Variants in NDST4 observed in about 807,000 individuals in gnomAD.
The protein encoded by NDST4 is N-heparan sulfate sulfotransferase 4.
NDST4 carries 63 observed loss-of-function variants against 100.8 expected under a neutral mutation model. The observed-to-expected ratio is 0.62, with a 90% CI of 0.51 to 0.77. The LOEUF (loss-of-function observed/expected upper bound fraction) is 0.77, where lower values mean the gene tolerates loss of function less well. Ranked by LOEUF, NDST4 falls within the 30% of genes least tolerant of loss-of-function variation. The pLI is 0.00. For synonymous variants in NDST4, 377 were observed against 361.8 expected (o/e 1.04, Z -0.48); for missense variants, 943 against 1,018.4 (o/e 0.93, Z 1.01).
chr4:115,007,059 C>T (rs1481850326), intron 2 of NDST4, among the ~76,000 whole-genome samples: 1 of 152,096 alleles, frequency 6.6e-6, no homozygotes, highest in Non-Finnish European at 1.5e-5. Context: ...GGGCTTAATT[C>T]CCGTATAAAA....
At chr4:114,843,902 T>G (rs754765204) in intron 10 of NDST4, among the ~76,000 whole-genome samples, 2 of 152,186 alleles carry the variant, frequency 1.3e-5, no homozygotes, top group Non-Finnish European at 2.9e-5. Flanking sequence ...GAGTGTCAGC[T>G]GACTTCACTG....
intron 1 of NDST4, among the ~76,000 whole-genome samples, chr4:115,086,681 G>A (rs537498476): frequency 8.6e-5 from 13 of 151,900 alleles, no homozygotes; most frequent in South Asian, 6.2e-4. Flanking sequence ...AATGTCAGGC[G>A]GTTTCTTTTA....
intron 1 of NDST4, among the ~76,000 whole-genome samples, chr4:115,110,574 C>A (rs1292261793): frequency 6.6e-6 from 1 of 151,870 alleles, no homozygotes; most frequent in East Asian, 1.9e-4. Context: ...ATAAAACTTT[C>A]ACATTTCTTT....
chr4:115,073,512 T>G (rs1054405564), intron 2 of NDST4, among the ~76,000 whole-genome samples: 3 of 151,946 alleles, frequency 2.0e-5, no homozygotes, highest in Admixed American at 1.3e-4. Context: ...CTGTAATTTG[T>G]GACAACATGG....
intron 2 of NDST4, among the ~76,000 whole-genome samples, chr4:114,979,865 C>A (rs1726727064): frequency 1.3e-5 from 2 of 151,842 alleles, no homozygotes; most frequent in Non-Finnish European, 2.9e-5. Flanking sequence ...AAAAGCAAAT[C>A]TTAAAAAGTT....
chr4:115,002,344 G>A (rs1192950987), intron 2 of NDST4, among the ~76,000 whole-genome samples: 1 of 152,084 alleles, frequency 6.6e-6, no homozygotes, highest in Admixed American at 6.6e-5. Context: ...TTTTGATGGG[G>A]TTGTTTGTTT....
At chr4:115,044,616 T>C (rs534657926) in intron 2 of NDST4, among the ~76,000 whole-genome samples, 1 of 151,780 alleles carries the variant, frequency 6.6e-6, no homozygotes, top group Non-Finnish European at 1.5e-5. Context: ...AACACTCCTA[T>C]GTATTTTGAT....
At chr4:115,091,277 T>C (rs1403244882) in intron 1 of NDST4, among the ~76,000 whole-genome samples, 1 of 152,118 alleles carries the variant, frequency 6.6e-6, no homozygotes, top group African/African-American at 2.4e-5. Flanking sequence ...TTCTCTGTTA[T>C]GCAAACGTGT....
intron 5 of NDST4, among the ~76,000 whole-genome samples, chr4:114,935,641 C>G (rs1055622627): frequency 6.6e-6 from 1 of 152,076 alleles, no homozygotes; most frequent in African/African-American, 2.4e-5. Flanking sequence ...TAAGTTCACC[C>G]AAAGATGGAA....
chr4:114,917,215 T>G (rs1448356315), intron 6 of NDST4, among the ~76,000 whole-genome samples: 2 of 152,164 alleles, frequency 1.3e-5, no homozygotes, highest in South Asian at 4.1e-4. Flanking sequence ...CCAAGAATAA[T>G]GGCAAGAACA....
intron 10 of NDST4, among the ~76,000 whole-genome samples, chr4:114,841,904 T>A (rs1723434811): frequency 6.6e-6 from 1 of 152,174 alleles, no homozygotes; most frequent in Non-Finnish European, 1.5e-5. Flanking sequence ...TTTCTATACA[T>A]CAGTATTTGT....
chr4:114,846,395 A>G (rs1234182942), intron 9 of NDST4, among the ~76,000 whole-genome samples: 1 of 152,232 alleles, frequency 6.6e-6, no homozygotes, highest in Non-Finnish European at 1.5e-5. Flanking sequence ...GAATGCAGAA[A>G]TTATTCGGTG....
intron 7 of NDST4, among the ~76,000 whole-genome samples, chr4:114,866,769 A>AT (rs1724035510): frequency 6.6e-6 from 1 of 152,188 alleles, no homozygotes; most frequent in Non-Finnish European, 1.5e-5. Context: ...ATGAAGACAA[A>AT]TTTGTAACAC....
At chr4:115,099,861 A>T (rs1468010065) in intron 1 of NDST4, among the ~76,000 whole-genome samples, 2 of 152,142 alleles carry the variant, frequency 1.3e-5, no homozygotes, top group African/African-American at 4.8e-5. Context: ...TTGCACACAG[A>T]TGTTTTATTG....
At chr4:114,982,856 C>T (rs146848285) in intron 2 of NDST4, among the ~76,000 whole-genome samples, 6 of 152,268 alleles carry the variant, frequency 3.9e-5, no homozygotes, top group Non-Finnish European at 8.8e-5. Context: ...AAATTCATGG[C>T]CCAGCTTCTC....
At chr4:114,843,629 G>T (rs961488479) in intron 10 of NDST4, among the ~76,000 whole-genome samples, 1 of 151,758 alleles carries the variant, frequency 6.6e-6, no homozygotes, top group Non-Finnish European at 1.5e-5. Flanking sequence ...CACATCTTTC[G>T]CTTTGCCTAA....
At chr4:114,875,576 A>G (rs2126198701) in intron 6 of NDST4, among the ~76,000 whole-genome samples, 1 of 152,336 alleles carries the variant, frequency 6.6e-6, no homozygotes, top group African/African-American at 2.4e-5. Context: ...AACTGTGGGT[A>G]AACACACTGT....
chr4:114,977,042 T>C (rs1726650621), intron 3 of NDST4, 145 bp downstream of exon 3: 1 of 607,702 alleles, frequency 1.6e-6, no homozygotes, highest in Non-Finnish European at 2.9e-6. Flanking sequence ...AATATGCTCA[T>C]TGATTTTGGA....
At chr4:115,043,281 A>T (rs1728392776) in intron 2 of NDST4, among the ~76,000 whole-genome samples, 1 of 151,870 alleles carries the variant, frequency 6.6e-6, no homozygotes, top group Admixed American at 6.6e-5. Context: ...AAGTATTATA[A>T]AAAAATTTTA....
Sources: allele counts gnomAD v4.1 joint callset (sites outside exome capture counted in the v4.1 genomes callset), GRCh38; gene constraint gnomAD v4.1.1; transcripts MANE v1.5; gene names NCBI Gene and HGNC (gene_info 2026-07-23, HGNC 2026-07-21).